CCNY: variants seen among roughly 807,000 people sequenced by gnomAD.
CCNY encodes the protein cyclin Y, also known as cyclin-Y.
CCNY carries 19 observed loss-of-function variants against 42.8 expected under a neutral mutation model. The observed-to-expected ratio is 0.44, with a 90% CI of 0.31 to 0.65. The LOEUF is 0.65. Among genes scored for constraint, CCNY ranks in the 30% least tolerant of loss-of-function variants. The pLI is 0.07. For synonymous variants in CCNY, 165 were observed against 162.7 expected (o/e 1.01, Z -0.11); for missense variants, 370 against 437.3 (o/e 0.85, Z 1.37).
chr10:35,264,298 A>T (rs936826228), intron 3 of CCNY, among the ~76,000 whole-genome samples: 26 of 152,170 alleles, frequency 1.7e-4, no homozygotes, highest in Non-Finnish European at 3.2e-4. Context: ...CAGGTTTGTT[A>T]CATATGTATA....
At position 35,350,882 on chromosome 10, in the gene CCNY, C is replaced by T. The variant is rs138315915; in HGVS notation, c.154+13675C>T. On this transcript the variant is annotated intron_variant, in intron 1 of 9. Transcript: ENST00000374704. ...AGGTGAAGGAAGCTCCAAAGAATGTCGTGACACAGTATTCCTGACAAACAT... is the reference window on the plus strand; with the variant it reads ...AGGTGAAGGAAGCTCCAAAGAATGTTGTGACACAGTATTCCTGACAAACAT... 3.5e-3 allele frequency among the ~76,000 whole-genome samples: 528 copies of T among 152,250 alleles called. 5 individuals are homozygous for T. Among genetic ancestry groups the T allele is most frequent in the African/African-American group, 0.012 (517 of 41,550 alleles).
chr10:35,471,306 G>T (rs1284151024), intron 1 of CCNY, among the ~76,000 whole-genome samples: 1 of 152,086 alleles, frequency 6.6e-6, no homozygotes, highest in African/African-American at 2.4e-5. Context: ...TTGCTTTGGC[G>T]CCTCCTCTCC....
intron 3 of CCNY, among the ~76,000 whole-genome samples, chr10:35,317,209 T>G (rs2135091887): frequency 6.6e-6 from 1 of 152,302 alleles, no homozygotes; most frequent in Middle Eastern, 3.4e-3. Context: ...CAGGCTGGTC[T>G]CAAACTCCTG....
intron 1 of CCNY, among the ~76,000 whole-genome samples, chr10:35,392,854 A>C (rs543302195): frequency 1.3e-5 from 2 of 152,260 alleles, no homozygotes; most frequent in South Asian, 2.1e-4. Flanking sequence ...CATCTCCTTG[A>C]CCAGATGCTA....
rs151285126 is a variant in CCNY at position 35,349,009 on chromosome 10, T to A, written c.154+11802T>A. ...TGAACTGTGCGGGTACACTTCCATG[T>A]GAATTTTTTCCAACCAAACCAGGTT... On this transcript the variant is annotated intron_variant, in intron 1 of 9. Transcript: ENST00000374704. Among the ~76,000 whole-genome samples the A allele has an allele frequency of 5.9e-5, 9 of 152,106 alleles. No homozygotes were observed. The East Asian group carries it at 1.7e-3, about 29-fold the overall frequency.
intron 1 of CCNY, among the ~76,000 whole-genome samples, chr10:35,455,655 C>A (rs17601985): frequency 0.053 from 8,015 of 152,156 alleles, 299 homozygotes; most frequent in African/African-American, 0.11. Context: ...TTCCCTTCCT[C>A]TCCCCTTTTC....
rs1025980748 is a variant in CCNY, at chr10:35,478,876, A to G, written c.155-4528A>G. Among the ~76,000 whole-genome samples the G allele has an allele frequency of 6.6e-5, 10 of 152,230 alleles. 1 individual carries two copies. The highest frequency in any genetic ancestry group is 1.5e-4 in the Non-Finnish European group (10 of 68,036). ...CAACCTACTCATCTGACAAAGGGCTAATATCCAGAATCTACAATGAACTCA... is the reference window on the plus strand; with the variant it reads ...CAACCTACTCATCTGACAAAGGGCTGATATCCAGAATCTACAATGAACTCA... On this transcript the variant is annotated intron_variant, in intron 1 of 9. Transcript: ENST00000374704.
chr10:35,418,970 G>A (rs1369861861), intron 1 of CCNY, among the ~76,000 whole-genome samples: 3 of 151,940 alleles, frequency 2.0e-5, no homozygotes, highest in Admixed American at 1.3e-4. Flanking sequence ...ATAGGCACGC[G>A]CCACCACACC....
rs1380605335 is a variant in CCNY at position 35,487,988 on chromosome 10, T to C, written c.229+4510T>C. 2.0e-5 allele frequency among the ~76,000 whole-genome samples: 3 copies of C among 152,232 alleles called. No individual in the cohort carries two copies. The East Asian group carries it at 5.8e-4, about 29-fold the overall frequency. Reference sequence around the variant, plus strand: ...TCATCATTTTCAAAGATGTGAGAGCTTAATATTCTTAAATAATATGAGAAA... The same window carrying C: ...TCATCATTTTCAAAGATGTGAGAGCCTAATATTCTTAAATAATATGAGAAA... On this transcript the variant is annotated intron_variant, in intron 2 of 9. Coordinates refer to ENST00000374704, the MANE Select transcript of CCNY (RefSeq NM_145012.6).
intron 4 of CCNY, among the ~76,000 whole-genome samples, chr10:35,523,649 C>T (rs562322151): frequency 4.9e-4 from 75 of 152,286 alleles, no homozygotes; most frequent in Non-Finnish European, 6.8e-4. Context: ...TCTTGGGGCC[C>T]TGAAGATTCT....
intron 3 of CCNY, among the ~76,000 whole-genome samples, chr10:35,514,968 C>T (rs1840399168): frequency 1.3e-5 from 2 of 152,106 alleles, no homozygotes; most frequent in African/African-American, 4.8e-5. Flanking sequence ...GGCTTTAGTG[C>T]GTCTTCTGTG....
chr10:35,454,037 A>C (rs1838976310), intron 1 of CCNY, among the ~76,000 whole-genome samples: 1 of 152,222 alleles, frequency 6.6e-6, no homozygotes, highest in African/African-American at 2.4e-5. Flanking sequence ...TTTGAAAAAC[A>C]CTATACTGTA....
chr10:35,279,898 C>T (rs1352946819), intron 3 of CCNY, among the ~76,000 whole-genome samples: 2 of 152,220 alleles, frequency 1.3e-5, no homozygotes, highest in Middle Eastern at 3.2e-3. Context: ...GTTATGGCTC[C>T]ATCCCCCAGC....
At chr10:35,454,820 G>A (rs1312171161) in intron 1 of CCNY, among the ~76,000 whole-genome samples, 1 of 152,182 alleles carries the variant, frequency 6.6e-6, no homozygotes, top group Non-Finnish European at 1.5e-5. Context: ...GCCAGTGAGT[G>A]CTTGGGAAGG....
At chr10:35,272,325 T>A (rs1835180350) in intron 3 of CCNY, among the ~76,000 whole-genome samples, 1 of 151,594 alleles carries the variant, frequency 6.6e-6, no homozygotes, top group Non-Finnish European at 1.5e-5. Context: ...CAGGGGTACA[T>A]GTGCAGGTTT....
intron 3 of CCNY, among the ~76,000 whole-genome samples, chr10:35,286,859 C>T (rs990283256): frequency 6.6e-6 from 1 of 151,964 alleles, no homozygotes. Flanking sequence ...AGGGTTTTGT[C>T]ATGTCGGCCA....
At chr10:35,378,963 T>G (rs2135188686) in intron 1 of CCNY, among the ~76,000 whole-genome samples, 1 of 152,154 alleles carries the variant, frequency 6.6e-6, no homozygotes, top group African/African-American at 2.4e-5. Flanking sequence ...ATGGCCAGAG[T>G]CAAGGGAGAC....
At chr10:35,445,254 T>C (rs1838765246) in intron 1 of CCNY, among the ~76,000 whole-genome samples, 1 of 152,152 alleles carries the variant, frequency 6.6e-6, no homozygotes, top group African/African-American at 2.4e-5. Flanking sequence ...GGAAGTCAAG[T>C]TCCAGGTAGA....
At chr10:35,536,344 C>T (rs182809626) in intron 7 of CCNY, among the ~76,000 whole-genome samples, 38 of 152,162 alleles carry the variant, frequency 2.5e-4, no homozygotes, top group African/African-American at 8.2e-4. Flanking sequence ...TTCCCAGTCT[C>T]GGGTATGTCT....
Sources: gnomAD v4.1 joint callset for allele counts (sites outside exome capture counted in the v4.1 genomes callset) on GRCh38, gnomAD v4.1.1 for gene constraint, MANE v1.5 for transcripts, NCBI Gene and HGNC (gene_info 2026-07-23, HGNC 2026-07-21) for gene names.